NXPE2: variants seen among roughly 807,000 people sequenced by gnomAD.
The protein encoded by NXPE2 is neurexophilin and PC-esterase domain family member 2, also known as NXPE family member 2.
A neutral mutation model predicts 34.4 loss-of-function variants in NXPE2; 34 were observed. The ratio of observed to expected loss-of-function variants is 0.99; its 90% CI spans 0.75 to 1.31. The LOEUF (loss-of-function observed/expected upper bound fraction) is 1.31, where lower values mean the gene tolerates loss of function less well. Among genes scored for constraint, NXPE2 ranks in the 40% most tolerant of loss-of-function variants. The probability of loss-of-function intolerance (pLI) is 0.00; values close to 1 mark genes in which losing one functional copy is unlikely to be tolerated. For missense variants in NXPE2, 649 were observed against 672.5 expected (o/e 0.97, Z 0.39); for synonymous variants, 235 against 231.3 (o/e 1.02, Z -0.15).
At chr11:114,495,607 A>T in the NXPE2 span, among the ~76,000 whole-genome samples, 1 of 151,496 alleles carries the variant, frequency 6.6e-6, no homozygotes, top group Admixed American at 6.6e-5. Context: ...ACCACAGCTG[A>T]GAATGTGCTG....
At chr11:114,508,691 T>C in the NXPE2 span, among the ~76,000 whole-genome samples, 1 of 152,240 alleles carries the variant, frequency 6.6e-6, no homozygotes, top group Non-Finnish European at 1.5e-5. Flanking sequence ...GCTAGCCATA[T>C]GCAGAAGATT....
the NXPE2 span, among the ~76,000 whole-genome samples, chr11:114,485,613 C>T: frequency 1.2e-4 from 19 of 152,034 alleles, 1 homozygote; most frequent in Non-Finnish European, 2.4e-4. Context: ...TATTTATCCA[C>T]TGTATTTTTG....
the NXPE2 span, among the ~76,000 whole-genome samples, chr11:114,558,870 A>G: frequency 6.6e-6 from 1 of 152,208 alleles, no homozygotes; most frequent in Non-Finnish European, 1.5e-5. Context: ...AAAGAATCAC[A>G]TACAAAGTTT....
chr11:114,621,012 C>T, the NXPE2 span, among the ~76,000 whole-genome samples: 947 of 152,144 alleles, frequency 6.2e-3, 11 homozygotes, highest in Middle Eastern at 0.014. Context: ...GGTGTTGTCT[C>T]GTGGTTGACC....
chr11:114,581,730 C>T, the NXPE2 span: 1 of 1,611,096 alleles, frequency 6.2e-7, no homozygotes, highest in Non-Finnish European at 8.5e-7. Context: ...CTTACTGTTG[C>T]ATTTGGAGAC....
the NXPE2 span, among the ~76,000 whole-genome samples, chr11:114,550,187 A>G: frequency 1.3e-5 from 2 of 152,136 alleles, no homozygotes; most frequent in East Asian, 3.9e-4. Context: ...AATGTCCTAA[A>G]TATCTTCTGG....
At chr11:114,531,935 A>C in the NXPE2 span, among the ~76,000 whole-genome samples, 20 of 152,108 alleles carry the variant, frequency 1.3e-4, no homozygotes, top group Admixed American at 2.6e-4. Flanking sequence ...AAAAATATGC[A>C]CTCTTAGGCT....
At chr11:114,580,000 T>G in the NXPE2 span, 1 of 730,696 alleles carries the variant, frequency 1.4e-6, no homozygotes, top group Non-Finnish European at 2.4e-6. Context: ...AACAATGCCT[T>G]GTGAAAAATT....
At chr11:114,611,467 G>C in the NXPE2 span, among the ~76,000 whole-genome samples, 87 of 149,356 alleles carry the variant, frequency 5.8e-4, no homozygotes, top group African/African-American at 2.0e-3. Flanking sequence ...GTATTGCCTC[G>C]TGGGTAACCA....
At chr11:114,777,446 A>T in the NXPE2 span, among the ~76,000 whole-genome samples, 2 of 152,180 alleles carry the variant, frequency 1.3e-5, no homozygotes, top group Non-Finnish European at 2.9e-5. Flanking sequence ...AAAACTGCTG[A>T]GCTTAACCTA....
intron 2 of NXPE2, among the ~76,000 whole-genome samples, chr11:114,688,401 T>A (rs536440658): frequency 1.3e-5 from 2 of 152,192 alleles, no homozygotes; most frequent in South Asian, 2.1e-4. Context: ...TTGATTTGCA[T>A]ATGTTAAACC....
At chr11:114,496,769 ATATGATGGTGG>A in the NXPE2 span, among the ~76,000 whole-genome samples, 13 of 152,290 alleles carry the variant, frequency 8.5e-5, no homozygotes, top group Admixed American at 6.5e-4. Flanking sequence ...CAGACCACAT[ATATGATGGTGG>A]TCTCTTAAGA....
At chr11:114,637,173 A>G in the NXPE2 span, among the ~76,000 whole-genome samples, 7 of 151,842 alleles carry the variant, frequency 4.6e-5, no homozygotes, top group Non-Finnish European at 1.5e-5. Context: ...TATATTTAGG[A>G]TAGTTAGCTC....
At chr11:114,710,190 C>A (rs1034835699), downstream of NXPE2, among the ~76,000 whole-genome samples, 20 of 151,644 alleles carry the variant, frequency 1.3e-4, no homozygotes, top group African/African-American at 4.9e-4. Context: ...CTTCAAGGAA[C>A]TAGAAAAAGA....
chr11:114,490,320 T>A, the NXPE2 span, among the ~76,000 whole-genome samples: 3 of 152,202 alleles, frequency 2.0e-5, no homozygotes, highest in Non-Finnish European at 4.4e-5. Flanking sequence ...CCCATCAAGC[T>A]ACCAATGACT....
the NXPE2 span, among the ~76,000 whole-genome samples, chr11:114,526,953 G>A: frequency 9.9e-5 from 15 of 152,194 alleles, no homozygotes; most frequent in East Asian, 3.9e-4. Context: ...CTGACTACAC[G>A]TATCCTTCAG....
chr11:114,699,491 G>A lies in NXPE2; in HGVS notation c.866+713G>A, dbSNP rs150317571. On this transcript the variant is annotated intron_variant, in intron 3 of 5. Transcript: ENST00000389586. ...TTTTTACAAGGACTTTCCTCCCTTG[G>A]CAGCCTCTTGTCTCACCTTTATGCT... Among the ~76,000 whole-genome samples the A allele has an allele frequency of 1.7e-4, 26 of 152,148 alleles. 1 individual carries two copies. In the East Asian group the frequency reaches 5.0e-3, roughly 29 times the overall value.
chr11:114,681,028 G>A (rs1950941618), intron 2 of NXPE2, among the ~76,000 whole-genome samples: 1 of 152,034 alleles, frequency 6.6e-6, no homozygotes, highest in Admixed American at 6.6e-5. Flanking sequence ...TGTTGCCATA[G>A]CCTGTGTAGT....
At chr11:114,672,530 A>T in the NXPE2 span, among the ~76,000 whole-genome samples, 22 of 151,982 alleles carry the variant, frequency 1.4e-4, no homozygotes, top group African/African-American at 5.1e-4. Context: ...AGAAATTGCC[A>T]GACTGGTTAA....
Sources: gnomAD v4.1 joint callset for allele counts (sites outside exome capture counted in the v4.1 genomes callset) on GRCh38, gnomAD v4.1.1 for gene constraint, MANE v1.5 for transcripts, NCBI Gene and HGNC (gene_info 2026-07-23, HGNC 2026-07-21) for gene names.